ST6GALNAC3: variants seen among roughly 807,000 people sequenced by gnomAD.
ST6GALNAC3 encodes ST6 N-acetylgalactosaminide alpha-2,6-sialyltransferase 3, also known as alpha-N-acetylgalactosaminide alpha-2,6-sialyltransferase 3.
ST6GALNAC3 carries 25 observed loss-of-function variants against 32.7 expected under a neutral mutation model. The observed-to-expected ratio is 0.76, with a 90% CI of 0.56 to 1.07. The LOEUF (loss-of-function observed/expected upper bound fraction) is 1.07. Among genes scored for constraint, ST6GALNAC3 ranks in the 50% least tolerant of loss-of-function variants. The pLI is 0.00. For synonymous variants in ST6GALNAC3, 129 were observed against 133.1 expected (o/e 0.97, Z 0.21); for missense variants, 355 against 382.4 (o/e 0.93, Z 0.60).
At chr1:76,343,858 T>C (rs1250806721) in intron 2 of ST6GALNAC3, among the ~76,000 whole-genome samples, 1 of 152,074 alleles carries the variant, frequency 6.6e-6, no homozygotes, top group African/African-American at 2.4e-5. Context: ...AAAAGAATTA[T>C]AAAAAAAAGT....
At chr1:76,374,338 T>G (rs1051188780) in intron 2 of ST6GALNAC3, among the ~76,000 whole-genome samples, 2 of 152,198 alleles carry the variant, frequency 1.3e-5, no homozygotes, top group African/African-American at 4.8e-5. Flanking sequence ...CCTGGTGGAA[T>G]ACATCAGACG....
intron 3 of ST6GALNAC3, among the ~76,000 whole-genome samples, chr1:76,554,117 C>G (rs1264658122): frequency 6.6e-6 from 1 of 152,168 alleles, no homozygotes; most frequent in African/African-American, 2.4e-5. Flanking sequence ...CCCCCTTCAT[C>G]ATGTAGAACA....
intron 2 of ST6GALNAC3, among the ~76,000 whole-genome samples, chr1:76,323,882 T>TG (rs1647017909): frequency 6.6e-6 from 1 of 152,070 alleles, no homozygotes; most frequent in Admixed American, 6.6e-5. Context: ...TTTTTTGAGA[T>TG]GGAGTCTCAT....
chr1:76,516,568 CAG>C (rs1662186842), intron 3 of ST6GALNAC3, among the ~76,000 whole-genome samples: 1 of 152,180 alleles, frequency 6.6e-6, no homozygotes, highest in Non-Finnish European at 1.5e-5. Flanking sequence ...TACACTCTGA[CAG>C]ATAGCTTCAA....
intron 1 of ST6GALNAC3, among the ~76,000 whole-genome samples, chr1:76,104,629 AT>A (rs1647396762): frequency 1.8e-5 from 2 of 113,074 alleles, no homozygotes; most frequent in African/African-American, 7.0e-5. Flanking sequence ...TTTTTTTTAG[AT>A]TTGAGGTGTT....
chr1:76,300,476 T>A (rs1660664174), intron 1 of ST6GALNAC3, among the ~76,000 whole-genome samples: 1 of 151,990 alleles, frequency 6.6e-6, no homozygotes, highest in African/African-American at 2.4e-5. Flanking sequence ...GATGTACAGA[T>A]GAGGAAACTG....
chr1:76,451,843 T>C (rs1442675041), intron 3 of ST6GALNAC3, among the ~76,000 whole-genome samples: 1 of 152,202 alleles, frequency 6.6e-6, no homozygotes, highest in Non-Finnish European at 1.5e-5. Context: ...TTTCTAGGTA[T>C]ACAATTATAT....
At chr1:76,505,069 G>A (rs1661392385) in intron 3 of ST6GALNAC3, among the ~76,000 whole-genome samples, 1 of 151,838 alleles carries the variant, frequency 6.6e-6, no homozygotes, top group Admixed American at 6.6e-5. Context: ...AATATTTTCT[G>A]GTACCTAGTA....
At position 76,629,219 on chromosome 1, in the gene ST6GALNAC3, C is replaced by T. The variant is rs1649169341; in HGVS notation, c.*413C>T. On this transcript the variant is annotated 3_prime_UTR_variant, in exon 5 of 5. Coordinates refer to ENST00000328299, the MANE Select transcript of ST6GALNAC3 (RefSeq NM_152996.4). ...ATTGACTCAATGGCTTGTTGAATCT[C>T]AGCAGTTCCGCCATCTTGAAGAATG... The T allele has an allele frequency of 2.0e-6, 2 of 1,000,458 alleles. No individual in the cohort carries two copies. The highest frequency in any genetic ancestry group is 5.0e-4 in the Middle Eastern group (1 of 2,008). 62.0% of individuals were successfully genotyped at this position (1,000,458 alleles called of 1,614,324 possible). A position where few individuals can be genotyped will look rare whatever the true frequency, so the allele number is the denominator to read the frequency against.
At chr1:76,429,591 G>A (rs1655615597) in intron 3 of ST6GALNAC3, among the ~76,000 whole-genome samples, 1 of 152,028 alleles carries the variant, frequency 6.6e-6, no homozygotes. Context: ...AAACAGTATA[G>A]GGACCTTCAA....
chr1:76,214,188 TA>T (rs995837088), intron 1 of ST6GALNAC3, among the ~76,000 whole-genome samples: 18 of 152,144 alleles, frequency 1.2e-4, no homozygotes, highest in Non-Finnish European at 2.4e-4. Flanking sequence ...TAAAATTAAA[TA>T]AAAAATTTAT....
intron 2 of ST6GALNAC3, among the ~76,000 whole-genome samples, chr1:76,369,880 A>G (rs1650680553): frequency 6.6e-6 from 1 of 152,166 alleles, no homozygotes; most frequent in African/African-American, 2.4e-5. Flanking sequence ...ATCATGAGGG[A>G]AATAAAAATG....
At chr1:76,164,650 A>G (rs1320912706) in intron 1 of ST6GALNAC3, among the ~76,000 whole-genome samples, 1 of 152,224 alleles carries the variant, frequency 6.6e-6, no homozygotes, top group East Asian at 1.9e-4. Flanking sequence ...ATATCTCAGC[A>G]ATCTTTAAAT....
At chr1:76,590,538 A>G (rs1029476803) in intron 3 of ST6GALNAC3, among the ~76,000 whole-genome samples, 1 of 152,218 alleles carries the variant, frequency 6.6e-6, no homozygotes, top group Non-Finnish European at 1.5e-5. Flanking sequence ...CACTGCTAAT[A>G]CTGACTTACT....
At chr1:76,302,159 C>T (rs1660766866) in intron 1 of ST6GALNAC3, among the ~76,000 whole-genome samples, 1 of 152,014 alleles carries the variant, frequency 6.6e-6, no homozygotes, top group Admixed American at 6.6e-5. Flanking sequence ...AATACTTATA[C>T]TCAGTACTTC....
Position 76,185,415 on chromosome 1 carries a change from C to G in ST6GALNAC3, c.18+110531C>G, listed in dbSNP as rs1274855180. Among the ~76,000 whole-genome samples, 3 of 152,124 alleles carry G rather than the reference C, an allele frequency of 2.0e-5. No individual in the cohort carries two copies. The East Asian group carries it at 5.8e-4, about 29-fold the overall frequency. ...CGAGCTCCAGATGAGGAGACCTTTT[C>G]TTTATTTTGTTCTTAAAACAGTGCC... is the stretch of plus-strand genomic sequence containing the variant. On this transcript the variant is annotated intron_variant, in intron 1 of 4. Transcript: ENST00000328299.
intron 3 of ST6GALNAC3, among the ~76,000 whole-genome samples, chr1:76,558,921 A>G (rs1310018560): frequency 1.3e-5 from 2 of 152,176 alleles, no homozygotes; most frequent in East Asian, 1.9e-4. Context: ...TAAATACACA[A>G]CTATTTAATA....
intron 1 of ST6GALNAC3, among the ~76,000 whole-genome samples, chr1:76,258,987 G>A (rs1658076973): frequency 2.0e-5 from 3 of 152,134 alleles, no homozygotes; most frequent in Admixed American, 2.0e-4. Context: ...TGTGGTGGGA[G>A]CATCTTGCTT....
At chr1:76,488,015 T>C (rs1245614778) in intron 3 of ST6GALNAC3, among the ~76,000 whole-genome samples, 1 of 152,162 alleles carries the variant, frequency 6.6e-6, no homozygotes, top group African/African-American at 2.4e-5. Flanking sequence ...TGCCTGGGTA[T>C]CAGCAGCGGA....
Sources: gnomAD v4.1 joint callset for allele counts (sites outside exome capture counted in the v4.1 genomes callset) on GRCh38, gnomAD v4.1.1 for gene constraint, MANE v1.5 for transcripts, NCBI Gene and HGNC (gene_info 2026-07-23, HGNC 2026-07-21) for gene names.